Variants in EXT1 observed in about 807,000 individuals in gnomAD.
EXT1 encodes the protein exostosin-1.
In EXT1, 20 loss-of-function variants were observed where a neutral mutation model predicts 82.5. That is an observed-to-expected ratio of 0.24 (90% CI 0.17 to 0.35). EXT1 has a LOEUF of 0.35. EXT1 is among the 10% of genes least tolerant of loss of function. The probability of loss-of-function intolerance (pLI) is 1.00; values close to 1 mark genes in which losing one functional copy is unlikely to be tolerated. For synonymous variants in EXT1, 348 were observed against 350.8 expected, an observed-to-expected ratio of 0.99 and a Z score of 0.09; for missense variants, 757 against 936.5, an observed-to-expected ratio of 0.81 and a Z score of 2.50.
intron 1 of EXT1, among the ~76,000 whole-genome samples, chr8:118,030,384 A>G (rs1318153907): frequency 2.0e-5 from 3 of 152,228 alleles, no homozygotes; most frequent in Non-Finnish European, 4.4e-5. Context: ...CACCATATAA[A>G]TAGTAATTAA....
chr8:118,006,450 T>C (rs1011789026), intron 1 of EXT1, among the ~76,000 whole-genome samples: 9 of 152,186 alleles, frequency 5.9e-5, no homozygotes, highest in African/African-American at 9.7e-5. Context: ...AGAACGTAAC[T>C]TTCCTTTTTC....
intron 1 of EXT1, among the ~76,000 whole-genome samples, chr8:118,024,518 C>CT (rs2129864306): frequency 1.5e-5 from 2 of 131,232 alleles, no homozygotes; most frequent in African/African-American, 6.5e-5. Flanking sequence ...GATAAAACAG[C>CT]TTTAAAAAAA....
At chr8:118,008,448 A>T (rs1210185519) in intron 1 of EXT1, among the ~76,000 whole-genome samples, 2 of 151,986 alleles carry the variant, frequency 1.3e-5, no homozygotes, top group Non-Finnish European at 2.9e-5. Context: ...TTTAGTAAAG[A>T]CAGGGTTTCA....
intron 1 of EXT1, among the ~76,000 whole-genome samples, chr8:117,949,084 A>G (rs527997860): frequency 6.6e-6 from 1 of 152,286 alleles, no homozygotes; most frequent in Non-Finnish European, 1.5e-5. Context: ...TTCTTTGTTG[A>G]GAGTATTTAA....
chr8:117,865,598 A>G (rs980204558), intron 1 of EXT1, among the ~76,000 whole-genome samples: 2 of 152,206 alleles, frequency 1.3e-5, no homozygotes, highest in African/African-American at 4.8e-5. Flanking sequence ...ATTGTTCCCT[A>G]TCTTCCTCAT....
chr8:117,858,809 G>GC (rs1563582147), intron 1 of EXT1, among the ~76,000 whole-genome samples: 4 of 68,882 alleles, frequency 5.8e-5, no homozygotes, highest in Admixed American at 5.0e-4. Flanking sequence ...GCAAGGCAAG[G>GC]CAGGAAGGAA....
rs550536560 is a variant in EXT1 at position 117,795,027 on chromosome 8, T to C, written c.*4685A>G. ...CCGAAAGGACAGGGATGTATTCCTG[T>C]AGGAGAAGAACAGAAAACTATTGCA... is the stretch of plus-strand genomic sequence containing the variant. On this transcript the variant is annotated 3_prime_UTR_variant, in exon 11 of 11. Coordinates refer to ENST00000378204, the MANE Select transcript of EXT1 (RefSeq NM_000127.3). 1.3e-5 allele frequency: 2 copies of C among 152,202 alleles called. No homozygotes were observed. The highest frequency in any genetic ancestry group is 1.5e-5 in the Non-Finnish European group (1 of 68,024). The allele number at this position is 152,202 out of a possible 1,614,324, so 9.4% of individuals were successfully genotyped here.
Position 117,835,501 on chromosome 8 carries a change from A to G in EXT1, c.1107T>C (p.Ser369=). ...CAGCTTGGTTCCAATTAATCACTTC[A>G]GAGAATGGCAACTCCCATCCATTGC... is the stretch of plus-strand genomic sequence containing the variant. ...MLSNGWELPF[S]EVINWNQAAV... Residue 369 remains serine (S), a synonymous_variant, in exon 3 of 11, where the codon TCT becomes TCC. Transcript: ENST00000378204. The G allele has an allele frequency of 6.2e-7, 1 of 1,614,182 alleles. No homozygotes were observed. The highest frequency in any genetic ancestry group is 8.5e-7 in the Non-Finnish European group (1 of 1,180,022).
At chr8:118,037,379 C>T (rs75969323) in intron 1 of EXT1, among the ~76,000 whole-genome samples, 36 of 138,996 alleles carry the variant, frequency 2.6e-4, no homozygotes, top group African/African-American at 8.0e-4. Flanking sequence ...AAAAAGATTC[C>T]TTTTTTTTTT....
intron 1 of EXT1, among the ~76,000 whole-genome samples, chr8:118,100,262 C>A (rs547894668): frequency 6.6e-6 from 1 of 152,100 alleles, no homozygotes; most frequent in East Asian, 1.9e-4. Context: ...TGAGAACTTA[C>A]GAGAGCAGTT....
In EXT1 at chr8:117,943,904, G is replaced by A. The variant is rs182021237; in HGVS notation, c.963-106703C>T. Reference sequence around the variant, plus strand: ...GTCACCTATGCCAGGGCCCCAGCAGGTACTCCTGGCAAACCTCACCAAGCT... The same window carrying A: ...GTCACCTATGCCAGGGCCCCAGCAGATACTCCTGGCAAACCTCACCAAGCT... On this transcript the variant is annotated intron_variant, in intron 1 of 10. Transcript: ENST00000378204. Among the ~76,000 whole-genome samples, 6 of 152,202 alleles carry A rather than the reference G, an allele frequency of 3.9e-5. No individual in the cohort carries two copies. In the East Asian group the frequency reaches 9.7e-4, roughly 25 times the overall value.
intron 1 of EXT1, among the ~76,000 whole-genome samples, chr8:117,905,721 A>G (rs924426862): frequency 6.6e-6 from 1 of 152,194 alleles, no homozygotes; most frequent in African/African-American, 2.4e-5. Flanking sequence ...CTGAGGCAGG[A>G]CAATGGCGTG....
intron 1 of EXT1, among the ~76,000 whole-genome samples, chr8:117,959,669 C>A (rs1351514097): frequency 1.3e-5 from 2 of 152,228 alleles, no homozygotes; most frequent in African/African-American, 4.8e-5. Context: ...TGTGATTACA[C>A]AGCCCAAGCT....
At chr8:117,843,531 C>T (rs1314017247) in intron 1 of EXT1, among the ~76,000 whole-genome samples, 3 of 152,074 alleles carry the variant, frequency 2.0e-5, no homozygotes, top group Non-Finnish European at 2.9e-5. Context: ...GGAACAAAGG[C>T]ACCAAGGTGA....
At chr8:118,097,197 G>C (rs973063858) in intron 1 of EXT1, among the ~76,000 whole-genome samples, 1 of 152,196 alleles carries the variant, frequency 6.6e-6, no homozygotes, top group Non-Finnish European at 1.5e-5. Flanking sequence ...TGTAATCCCA[G>C]CATTCTGGGA....
chr8:118,083,551 C>G (rs1189818848), intron 1 of EXT1, among the ~76,000 whole-genome samples: 1 of 152,062 alleles, frequency 6.6e-6, no homozygotes, highest in African/African-American at 2.4e-5. Context: ...TGCCTATGCC[C>G]TAGGTGACAC....
At chr8:118,022,725 C>T (rs1586348452) in intron 1 of EXT1, among the ~76,000 whole-genome samples, 1 of 151,762 alleles carries the variant, frequency 6.6e-6, no homozygotes, top group South Asian at 2.1e-4. Flanking sequence ...AACTGTTGCT[C>T]ATTATTTTAA....
At chr8:118,014,686 C>A (rs1228866304) in intron 1 of EXT1, among the ~76,000 whole-genome samples, 2 of 152,052 alleles carry the variant, frequency 1.3e-5, no homozygotes, top group African/African-American at 4.8e-5. Context: ...GTGATCCCCT[C>A]GCCTCAGCCC....
chr8:118,103,974 A>G (rs2130028656), intron 1 of EXT1, among the ~76,000 whole-genome samples: 1 of 152,360 alleles, frequency 6.6e-6, no homozygotes, highest in African/African-American at 2.4e-5. Flanking sequence ...TTAAAAGTTA[A>G]TATGTAACAG....
Sources: allele counts gnomAD v4.1 joint callset (sites outside exome capture counted in the v4.1 genomes callset), GRCh38; gene constraint gnomAD v4.1.1; transcripts MANE v1.5; gene names NCBI Gene and HGNC (gene_info 2026-07-23, HGNC 2026-07-21).